CCSER1: variants seen among roughly 807,000 people sequenced by gnomAD.
CCSER1 encodes serine-rich coiled-coil domain-containing protein 1.
CCSER1 carries 41 observed loss-of-function variants against 82.0 expected under a neutral mutation model. That is an observed-to-expected ratio of 0.50 (90% CI 0.39 to 0.65). The LOEUF is 0.65. CCSER1 is among the 30% of genes least tolerant of loss of function. The probability of loss-of-function intolerance (pLI) is 0.00; values close to 1 mark genes in which losing one functional copy is unlikely to be tolerated. For synonymous variants in CCSER1, 414 were observed against 383.9 expected, an observed-to-expected ratio of 1.08 and a Z score of -0.92; for missense variants, 1,119 against 1,064.2, an observed-to-expected ratio of 1.05 and a Z score of -0.72.
intron 4 of CCSER1, among the ~76,000 whole-genome samples, chr4:90,459,952 A>G (rs1443997769): frequency 2.0e-5 from 3 of 152,102 alleles, no homozygotes; most frequent in Non-Finnish European, 2.9e-5. Flanking sequence ...AACTTTTGCT[A>G]TTTTTCTCTA....
chr4:90,347,929 G>A (rs1579312846), intron 3 of CCSER1, among the ~76,000 whole-genome samples: 1 of 152,142 alleles, frequency 6.6e-6, no homozygotes, highest in Non-Finnish European at 1.5e-5. Context: ...GGAATATTAT[G>A]CAGCCATAAA....
At chr4:90,457,183 A>C (rs1042318324) in intron 4 of CCSER1, among the ~76,000 whole-genome samples, 7 of 152,102 alleles carry the variant, frequency 4.6e-5, no homozygotes, top group Non-Finnish European at 1.0e-4. Context: ...AGTGGCTTCC[A>C]CTGCAGGCAC....
At chr4:90,154,863 C>T (rs1268831803) in intron 1 of CCSER1, among the ~76,000 whole-genome samples, 3 of 151,546 alleles carry the variant, frequency 2.0e-5, no homozygotes, top group African/African-American at 7.3e-5. Flanking sequence ...TAACTGAATA[C>T]CCTTTATTTC....
At chr4:91,502,741 G>A (rs894618541) in intron 10 of CCSER1, among the ~76,000 whole-genome samples, 1 of 152,024 alleles carries the variant, frequency 6.6e-6, no homozygotes, top group Non-Finnish European at 1.5e-5. Flanking sequence ...TTTGTTTGTG[G>A]TAAAATGAAT....
chr4:90,283,002 A>G (rs1283950601), intron 1 of CCSER1, among the ~76,000 whole-genome samples: 4 of 151,994 alleles, frequency 2.6e-5, no homozygotes, highest in African/African-American at 9.7e-5. Context: ...GCATTAATGG[A>G]AGGTTGCTTT....
chr4:91,251,826 T>G (rs1402252775), intron 10 of CCSER1, among the ~76,000 whole-genome samples: 1 of 152,174 alleles, frequency 6.6e-6, no homozygotes, highest in Non-Finnish European at 1.5e-5. Context: ...CAGTTGTAAT[T>G]AATGAGAGTT....
rs147885363 is a variant in CCSER1, at chr4:90,761,198, C to G, written c.2010+37207C>G. Among the ~76,000 whole-genome samples, 72 of 152,188 alleles carry G rather than the reference C, an allele frequency of 4.7e-4. 1 individual carries two copies. In the East Asian group the frequency reaches 0.011, roughly 24 times the overall value. ...GATTCTCTATTAGACTCCCTACCCT[C>G]ACACTTGTATGGTACTTTTTGGATT... On this transcript the variant is annotated intron_variant, in intron 7 of 10. Transcript: ENST00000509176.
intron 6 of CCSER1, among the ~76,000 whole-genome samples, chr4:90,706,255 G>A (rs1361367516): frequency 6.6e-6 from 1 of 152,100 alleles, no homozygotes; most frequent in Non-Finnish European, 1.5e-5. Flanking sequence ...CCTAAAAATT[G>A]CCCTTTCACA....
intron 10 of CCSER1, among the ~76,000 whole-genome samples, chr4:91,541,259 AG>A (rs1264099399): frequency 6.6e-6 from 1 of 152,154 alleles, no homozygotes; most frequent in Non-Finnish European, 1.5e-5. Flanking sequence ...TTTAAATTCT[AG>A]GGTACATGTG....
chr4:90,434,568 A>T (rs1236803627), intron 4 of CCSER1, among the ~76,000 whole-genome samples: 1 of 152,140 alleles, frequency 6.6e-6, no homozygotes, highest in Non-Finnish European at 1.5e-5. Flanking sequence ...TTGAGCTGAG[A>T]AGGAAATGAA....
At chr4:90,902,871 A>T (rs1724870707) in intron 8 of CCSER1, among the ~76,000 whole-genome samples, 1 of 151,910 alleles carries the variant, frequency 6.6e-6, no homozygotes. Context: ...TGTTGGGTGT[A>T]TTGAGATCTC....
chr4:91,278,484 T>A (rs749280351), intron 10 of CCSER1, among the ~76,000 whole-genome samples: 6 of 152,274 alleles, frequency 3.9e-5, no homozygotes, highest in Admixed American at 6.5e-5. Flanking sequence ...TAAGTATAGC[T>A]ACTCCTGATC....
chr4:91,503,172 C>T (rs1316789572), intron 10 of CCSER1, among the ~76,000 whole-genome samples: 1 of 151,830 alleles, frequency 6.6e-6, no homozygotes, highest in Non-Finnish European at 1.5e-5. Context: ...GAAACCCCGT[C>T]TCTATTAAAA....
chr4:91,525,480 G>A (rs920504776), intron 10 of CCSER1, among the ~76,000 whole-genome samples: 10 of 152,114 alleles, frequency 6.6e-5, no homozygotes, highest in East Asian at 1.9e-4. Context: ...ATTATGAACC[G>A]TATAAAGGAA....
At chr4:90,264,551 A>G (rs986150087) in intron 1 of CCSER1, among the ~76,000 whole-genome samples, 3 of 152,074 alleles carry the variant, frequency 2.0e-5, no homozygotes, top group African/African-American at 7.2e-5. Context: ...AACATCCTTC[A>G]TATTGTGTTA....
At chr4:91,219,295 ATTTACAG>A (rs1422482684) in intron 10 of CCSER1, among the ~76,000 whole-genome samples, 2 of 128,688 alleles carry the variant, frequency 1.6e-5, no homozygotes, top group Non-Finnish European at 3.3e-5. Context: ...AATAGTCAAT[ATTTACAG>A]TTTGGCTTTT....
At chr4:90,526,453 G>C (rs1773771114) in intron 5 of CCSER1, among the ~76,000 whole-genome samples, 1 of 151,794 alleles carries the variant, frequency 6.6e-6, no homozygotes, top group Admixed American at 6.6e-5. Context: ...AGAACATGCA[G>C]GTTTGTTACA....
At chr4:90,968,936 CAA>C (rs1734827202) in intron 9 of CCSER1, among the ~76,000 whole-genome samples, 1 of 150,712 alleles carries the variant, frequency 6.6e-6, no homozygotes. Context: ...AGAAGAAAAA[CAA>C]TATATGAACA....
chr4:90,839,153 A>G, intron 8 of CCSER1: 1 of 780,320 alleles, frequency 1.3e-6, no homozygotes, highest in East Asian at 2.4e-5. Context: ...TTTCTTCTAT[A>G]TTGCTAACTT....
Sources: gnomAD v4.1 joint callset for allele counts (sites outside exome capture counted in the v4.1 genomes callset) on GRCh38, gnomAD v4.1.1 for gene constraint, MANE v1.5 for transcripts, NCBI Gene and HGNC (gene_info 2026-07-23, HGNC 2026-07-21) for gene names.